The following STX18 variants were observed in gnomAD, a reference collection of about 807,000 sequenced individuals.
STX18 encodes syntaxin 18.
Under a neutral mutation model 50.1 loss-of-function variants are expected in STX18, and 40 were observed. That is an observed-to-expected ratio of 0.80 (90% CI 0.62 to 1.04). STX18 has a LOEUF of 1.04. STX18 is among the 50% of genes least tolerant of loss of function. The pLI, the probability that STX18 is intolerant of heterozygous loss-of-function variation, is 0.00. For missense variants in STX18, 410 were observed against 415.8 expected, an observed-to-expected ratio of 0.99 and a Z score of 0.12; for synonymous variants, 158 against 151.8, an observed-to-expected ratio of 1.04 and a Z score of -0.30.
Position 4,434,869 on chromosome 4 carries a change from A to G in STX18, c.614-11T>C. 1 of 1,593,816 alleles carries G rather than the reference A, an allele frequency of 6.3e-7. No individual in the cohort carries two copies. Among genetic ancestry groups the G allele is most frequent in the Non-Finnish European group, 8.5e-7 (1 of 1,172,728 alleles). On this transcript the variant is annotated splice_polypyrimidine_tract_variant and intron_variant, in intron 6 of 10. Coordinates refer to ENST00000306200, the MANE Select transcript of STX18 (RefSeq NM_016930.4). ...CAGCCAAAATTTTTTCTGTTAAAAA[A>G]AAAATTGAAAATAGAAGACCAAATA... is the stretch of plus-strand genomic sequence containing the variant.
intron 1 of STX18, among the ~76,000 whole-genome samples, chr4:4,529,479 ACC>A (rs1414601773): frequency 0.028 from 4,273 of 152,352 alleles, 210 homozygotes; most frequent in African/African-American, 0.096. Context: ...TAATGTATGC[ACC>A]AAAATATGCT....
chr4:4,507,433 C>T (rs774656564), intron 1 of STX18: 48 of 759,000 alleles, frequency 6.3e-5, no homozygotes, highest in South Asian at 2.6e-4. Flanking sequence ...AATCCAAGTC[C>T]GGCTAGTATG....
intron 1 of STX18, among the ~76,000 whole-genome samples, chr4:4,476,456 C>G (rs916843774): frequency 6.6e-6 from 1 of 152,254 alleles, no homozygotes; most frequent in African/African-American, 2.4e-5. Flanking sequence ...GAACTAGAAC[C>G]CTTAACCATT....
chr4:4,501,816 C>T (rs1729475079), intron 1 of STX18, among the ~76,000 whole-genome samples: 2 of 152,180 alleles, frequency 1.3e-5, no homozygotes, highest in Non-Finnish European at 2.9e-5. Context: ...TATTTAAATA[C>T]ATAACCCAGT....
At chr4:4,523,139 A>G (rs75648785) in intron 1 of STX18, among the ~76,000 whole-genome samples, 7,908 of 152,280 alleles carry the variant, frequency 0.052, 297 homozygotes, top group Non-Finnish European at 0.076. Context: ...CCCAGAGTCC[A>G]TGCTCTTAAC....
At position 4,541,831 on chromosome 4, in the gene STX18, G is replaced by C. The variant is rs765826529; in HGVS notation, c.134C>G (p.Pro45Arg). The C allele has an allele frequency of 5.6e-6, 9 of 1,611,060 alleles. No individual in the cohort carries two copies. In the South Asian group the frequency reaches 8.8e-5, roughly 16 times the overall value. ...RDELFRRSPR[P>R]KGDFSSRARE... ...GGCCCGGCTGGAGAAGTCGCCCTTG[G>C]GCCGGGGGCTCCGGCGGAACAGCTC... is the stretch of plus-strand genomic sequence containing the variant. The change falls in exon 1 of 11, where the codon CCC becomes CGC. Residue 45 changes from proline (P) to arginine (R), a missense_variant. Pro to Arg is a moderately radical substitution (Grantham distance 103). Coordinates refer to ENST00000306200, the MANE Select transcript of STX18 (RefSeq NM_016930.4).
intron 6 of STX18, among the ~76,000 whole-genome samples, chr4:4,436,892 C>T (rs1725809789): frequency 6.6e-6 from 1 of 151,990 alleles, no homozygotes; most frequent in South Asian, 2.1e-4. Flanking sequence ...GCTCATGCTG[C>T]TGCCTCTGTC....
At chr4:4,519,766 T>C (rs572720762) in intron 1 of STX18, among the ~76,000 whole-genome samples, 5 of 152,126 alleles carry the variant, frequency 3.3e-5, no homozygotes, top group South Asian at 2.1e-4. Context: ...AACAAGAAAA[T>C]TGAAATACTA....
chr4:4,457,152 T>C (rs745798543), intron 5 of STX18, 39 bp downstream of exon 5: 5 of 1,547,590 alleles, frequency 3.2e-6, no homozygotes, highest in Admixed American at 1.7e-5. Context: ...TTAGTAGTAC[T>C]ATTATTAATT....
At chr4:4,426,808 C>T (rs1725263319) in intron 7 of STX18, among the ~76,000 whole-genome samples, 1 of 152,196 alleles carries the variant, frequency 6.6e-6, no homozygotes, top group Non-Finnish European at 1.5e-5. Context: ...CAGAATGCCT[C>T]ATGGTGGCCT....
intron 1 of STX18, among the ~76,000 whole-genome samples, chr4:4,500,095 A>C (rs1729368553): frequency 6.6e-6 from 1 of 152,100 alleles, no homozygotes; most frequent in Non-Finnish European, 1.5e-5. Context: ...GTTAAAAAAA[A>C]ATTTAGCTCT....
intron 1 of STX18, among the ~76,000 whole-genome samples, chr4:4,484,996 G>A (rs1006146384): frequency 2.6e-5 from 4 of 152,336 alleles, no homozygotes; most frequent in East Asian, 1.9e-4. Context: ...ACTGCTTTGC[G>A]TTTCAATCCA....
chr4:4,535,400 G>A (rs985693223), intron 1 of STX18, among the ~76,000 whole-genome samples: 7 of 152,184 alleles, frequency 4.6e-5, no homozygotes, highest in African/African-American at 1.7e-4. Flanking sequence ...ACTCTGCAGT[G>A]CTGAGCTCTC....
At chr4:4,517,313 A>C (rs1016108531) in intron 1 of STX18, among the ~76,000 whole-genome samples, 1 of 152,224 alleles carries the variant, frequency 6.6e-6, no homozygotes, top group African/African-American at 2.4e-5. Context: ...GTGATACTAA[A>C]TAGAAACACC....
chr4:4,486,173 A>T (rs1284863428), intron 1 of STX18, among the ~76,000 whole-genome samples: 1 of 152,182 alleles, frequency 6.6e-6, no homozygotes, highest in African/African-American at 2.4e-5. Flanking sequence ...TTGGGTGTTC[A>T]ATCAATTTGA....
chr4:4,423,653 A>C, intron 8 of STX18, 66 bp from the exon 9 acceptor site: 1 of 1,487,064 alleles, frequency 6.7e-7, no homozygotes. Context: ...ACTGTTACAC[A>C]CTTCTAAAGA....
intron 1 of STX18, among the ~76,000 whole-genome samples, chr4:4,488,987 ATC>A (rs1423692393): frequency 1.3e-5 from 2 of 152,154 alleles, no homozygotes; most frequent in Non-Finnish European, 2.9e-5. Flanking sequence ...CAATAATTTA[ATC>A]TCAACTGCTT....
intron 1 of STX18, among the ~76,000 whole-genome samples, chr4:4,530,733 G>A (rs185286849): frequency 2.0e-5 from 3 of 152,130 alleles, no homozygotes; most frequent in African/African-American, 7.2e-5. Context: ...AGCCTCCCGG[G>A]TAGCTGAGAT....
At chr4:4,427,653 G>C (rs1413254886) in intron 7 of STX18, among the ~76,000 whole-genome samples, 2 of 152,188 alleles carry the variant, frequency 1.3e-5, no homozygotes, top group Non-Finnish European at 1.5e-5. Context: ...TAGTGGTTTG[G>C]GGTGATTCAT....
Sources: allele counts gnomAD v4.1 joint callset (sites outside exome capture counted in the v4.1 genomes callset), GRCh38; gene constraint gnomAD v4.1.1; transcripts MANE v1.5; gene names NCBI Gene and HGNC (gene_info 2026-07-23, HGNC 2026-07-21).